PRKN: variants seen among roughly 807,000 people sequenced by gnomAD.
PRKN encodes parkin RBR E3 ubiquitin protein ligase.
A neutral mutation model predicts 59.5 loss-of-function variants in PRKN; 56 were observed. The ratio of observed to expected loss-of-function variants is 0.94; its 90% confidence interval spans 0.76 to 1.18. The LOEUF (loss-of-function observed/expected upper bound fraction) is 1.18, where lower values mean the gene tolerates loss of function less well. Among genes scored for constraint, PRKN ranks in the 50% most tolerant of loss-of-function variants. The probability of loss-of-function intolerance (pLI) is 0.00; values close to 1 mark genes in which losing one functional copy is unlikely to be tolerated. For synonymous variants in PRKN, 250 were observed against 222.1 expected (o/e 1.13, Z -1.12); for missense variants, 657 against 596.4 (o/e 1.10, Z -1.06).
At chr6:162,034,078 A>T (rs1485489648) in intron 5 of PRKN, among the ~76,000 whole-genome samples, 1 of 151,828 alleles carries the variant, frequency 6.6e-6, no homozygotes, top group African/African-American at 2.4e-5. Flanking sequence ...AATAAAGGGG[A>T]GCAGCAAATA....
chr6:162,204,159 G>A (rs535298156), intron 3 of PRKN, among the ~76,000 whole-genome samples: 1 of 152,024 alleles, frequency 6.6e-6, no homozygotes, highest in Admixed American at 6.6e-5. Flanking sequence ...TAAGTGATTT[G>A]GTTATTTTGT....
chr6:162,181,975 C>T (rs565998880), intron 4 of PRKN, among the ~76,000 whole-genome samples: 2 of 152,286 alleles, frequency 1.3e-5, no homozygotes, highest in African/African-American at 4.8e-5. Context: ...ATTGTACTGA[C>T]TCATTATCCC....
chr6:162,309,154 C>CA (rs1478102224), intron 2 of PRKN, among the ~76,000 whole-genome samples: 1 of 151,954 alleles, frequency 6.6e-6, no homozygotes, highest in Non-Finnish European at 1.5e-5. Flanking sequence ...AATCCCAACT[C>CA]AAAATCTCAC....
chr6:162,329,936 A>C (rs1277129633), intron 2 of PRKN, among the ~76,000 whole-genome samples: 1 of 152,164 alleles, frequency 6.6e-6, no homozygotes, highest in Non-Finnish European at 1.5e-5. Flanking sequence ...AACGGTATCC[A>C]ATCTACAACA....
At chr6:162,274,146 C>G (rs1780504690) in intron 2 of PRKN, among the ~76,000 whole-genome samples, 1 of 151,196 alleles carries the variant, frequency 6.6e-6, no homozygotes. Context: ...ATTATATCTT[C>G]TTGTAATTTA....
At chr6:162,221,566 CA>C (rs1211545651) in intron 3 of PRKN, among the ~76,000 whole-genome samples, 2 of 152,094 alleles carry the variant, frequency 1.3e-5, no homozygotes, top group Non-Finnish European at 2.9e-5. Flanking sequence ...GTGGTATGGC[CA>C]GAGCTAGGCT....
intron 5 of PRKN, among the ~76,000 whole-genome samples, chr6:162,051,045 A>G (rs537440156): frequency 6.6e-6 from 1 of 152,284 alleles, no homozygotes; most frequent in Admixed American, 6.5e-5. Context: ...ACGTCCTACA[A>G]GTGCTGCAAT....
chr6:161,652,918 G>A (rs1203740420), intron 7 of PRKN, among the ~76,000 whole-genome samples: 6 of 152,122 alleles, frequency 3.9e-5, no homozygotes, highest in Non-Finnish European at 5.9e-5. Context: ...TCAAACTGAC[G>A]AAAAGTACCT....
At chr6:162,400,984 A>C (rs1160871035) in intron 2 of PRKN, among the ~76,000 whole-genome samples, 1 of 152,194 alleles carries the variant, frequency 6.6e-6, no homozygotes, top group Non-Finnish European at 1.5e-5. Context: ...CCAAATGAGA[A>C]TCACAGAATA....
intron 1 of PRKN, among the ~76,000 whole-genome samples, chr6:162,453,739 C>G (rs745504086): frequency 6.6e-6 from 1 of 152,218 alleles, no homozygotes. Context: ...CCCATCTCTA[C>G]TAAAAATATC....
chr6:162,615,447 AT>A (rs5881481), intron 1 of PRKN, among the ~76,000 whole-genome samples: 92,292 of 151,354 alleles, frequency 0.61, 28,751 homozygotes, highest in African/African-American at 0.74. Context: ...CATGAGATGG[AT>A]TTTTTTTTTA....
At position 161,518,049 on chromosome 6, in the gene PRKN, C is replaced by T. The variant is rs1367074599; in HGVS notation, c.1083+30805G>A. On this transcript the variant is annotated intron_variant, in intron 9 of 11. Coordinates refer to ENST00000366898, the MANE Select transcript of PRKN (RefSeq NM_004562.3). This position sits in a 1 kb window ranked among gnomAD's most constrained non-coding sequence, Gnocchi z 5.0. ...AAGTTGGCTGCACAGTGGCTTCAAG[C>T]TGGAGGGAGATTTGGCTTCTATGAG... 1.3e-5 allele frequency among the ~76,000 whole-genome samples: 2 copies of T among 152,180 alleles called. No individual in the cohort carries two copies. The highest frequency in any genetic ancestry group is 2.9e-5 in the Non-Finnish European group (2 of 68,026).
intron 7 of PRKN, among the ~76,000 whole-genome samples, chr6:161,774,398 A>G (rs997888601): frequency 1.1e-4 from 12 of 107,844 alleles, no homozygotes; most frequent in Non-Finnish European, 2.5e-4. Flanking sequence ...ACACACACAC[A>G]CACACACACA....
chr6:162,395,511 C>T (rs191982013), intron 2 of PRKN, among the ~76,000 whole-genome samples: 1 of 152,332 alleles, frequency 6.6e-6, no homozygotes, highest in African/African-American at 2.4e-5. Flanking sequence ...TGACATCTAA[C>T]TGCCATTGCA....
rs1184534402 is a variant in PRKN at position 161,459,819 on chromosome 6, G to C, written c.1084-72942C>G. On this transcript the variant is annotated intron_variant, in intron 9 of 11. Transcript: ENST00000366898. This position sits in a 1 kb window ranked among gnomAD's most constrained non-coding sequence, Gnocchi z 4.8. ...TCTTCATAATTTAGAGGCTTTCAATGACTTACCCCTAATGGGAGATTTCTG... is the reference window on the plus strand; with the variant it reads ...TCTTCATAATTTAGAGGCTTTCAATCACTTACCCCTAATGGGAGATTTCTG... Among the ~76,000 whole-genome samples the C allele has an allele frequency of 1.3e-5, 2 of 152,070 alleles. No individual in the cohort carries two copies. The highest frequency in any genetic ancestry group is 1.3e-4 in the Admixed American group (2 of 15,268).
chr6:161,713,960 T>C (rs922469118), intron 7 of PRKN, among the ~76,000 whole-genome samples: 12 of 152,108 alleles, frequency 7.9e-5, no homozygotes, highest in Non-Finnish European at 1.6e-4. Flanking sequence ...ATGAAAGATA[T>C]GTCTTTGCTC....
At chr6:161,741,721 C>A (rs1159563259) in intron 7 of PRKN, among the ~76,000 whole-genome samples, 1 of 144,620 alleles carries the variant, frequency 6.9e-6, no homozygotes, top group Non-Finnish European at 1.5e-5. Context: ...ACCTCTTTGT[C>A]TCGGGAAGGA....
intron 4 of PRKN, among the ~76,000 whole-genome samples, chr6:162,144,263 T>C (rs1261626679): frequency 6.6e-6 from 1 of 152,142 alleles, no homozygotes; most frequent in Admixed American, 6.5e-5. Context: ...TATTCTCCCA[T>C]CATGATAAAA....
intron 1 of PRKN, among the ~76,000 whole-genome samples, chr6:162,573,891 G>T (rs1323739094): frequency 6.6e-6 from 1 of 152,196 alleles, no homozygotes; most frequent in African/African-American, 2.4e-5. Context: ...CTGTTAGAAA[G>T]AAAGTGACTT....
Sources: allele counts gnomAD v4.1 joint callset (sites outside exome capture counted in the v4.1 genomes callset), GRCh38; gene constraint gnomAD v4.1.1; non-coding constraint Gnocchi (gnomAD v3.1); transcripts MANE v1.5; gene names NCBI Gene and HGNC (gene_info 2026-07-23, HGNC 2026-07-21).